Variants in APC observed in about 807,000 individuals in gnomAD.
APC encodes adenomatous polyposis coli protein.
A neutral mutation model predicts 247.0 loss-of-function variants in APC; 72 were observed. The observed-to-expected ratio is 0.29, with a 90% CI of 0.24 to 0.35. APC has a LOEUF of 0.35. Ranked by LOEUF, APC falls within the 10% of genes least tolerant of loss-of-function variation. The pLI is 1.00. For missense variants in APC, 3,400 were observed against 3,360.7 expected (o/e 1.01, Z -0.29); for synonymous variants, 1,254 against 1,162.5 (o/e 1.08, Z -1.60).
intron 5 of APC, among the ~76,000 whole-genome samples, chr5:112,776,968 A>G (rs1481046741): frequency 6.6e-6 from 1 of 152,124 alleles, no homozygotes; most frequent in Non-Finnish European, 1.5e-5. Context: ...CCTCATCTGG[A>G]TGTTGCTAGC....
intron 8 of APC, among the ~76,000 whole-genome samples, chr5:112,803,529 G>T (rs1329204898): frequency 1.3e-5 from 2 of 152,120 alleles, no homozygotes; most frequent in Admixed American, 6.5e-5. Context: ...AAAATAAGAT[G>T]ATGATAAAAC....
At chr5:112,743,085 A>G (rs1882619) in intron 1 of APC, among the ~76,000 whole-genome samples, 8,071 of 152,256 alleles carry the variant, frequency 0.053, 303 homozygotes, top group Middle Eastern at 0.1. Flanking sequence ...TGAAGAATCC[A>G]TTTTCTTGCT....
Position 112,842,528 on chromosome 5 carries a change from C to A in APC, c.6934C>A (p.Pro2312Thr), listed in dbSNP as rs1266863116. 4.3e-6 allele frequency: 7 copies of A among 1,613,948 alleles called. No homozygotes were observed. The highest frequency in any genetic ancestry group is 2.2e-5 in the South Asian group (2 of 91,088). The change falls in exon 16 of 16, where the codon CCT (proline) becomes ACT (threonine). Residue 2312 changes from proline (P) to threonine (T), a missense_variant. Around this residue, in one of 9 missense-constraint regions of APC, gnomAD observed 1,788 missense variants for 1,649.5 expected, o/e 1.08. Coordinates refer to ENST00000257430, the MANE Select transcript of APC (RefSeq NM_000038.6). ...SGSRDSTPSRPAQQPLSRPIQ... is the reference protein window; with the variant it reads ...SGSRDSTPSRTAQQPLSRPIQ... Reference sequence around the variant, plus strand: ...ATCTAGAGATTCGACCCCTTCAAGACCTGCCCAGCAACCATTAAGTAGACC... The same window carrying A: ...ATCTAGAGATTCGACCCCTTCAAGAACTGCCCAGCAACCATTAAGTAGACC...
In APC at chr5:112,740,577, C is replaced by T. The variant is rs1395652363; in HGVS notation, c.-19+2652C>T. Among the ~76,000 whole-genome samples the T allele has an allele frequency of 5.0e-4, 67 of 133,882 alleles. 1 individual carries two copies. The highest frequency in any genetic ancestry group is 1.8e-3 in the African/African-American group (64 of 35,002). The allele number at this position is 133,882 out of a possible 152,430, so 87.8% of individuals were successfully genotyped here. A position where few individuals can be genotyped will look rare whatever the true frequency, so the allele number is the denominator to read the frequency against. On this transcript the variant is annotated intron_variant, in intron 1 of 15. Coordinates refer to ENST00000257430, the MANE Select transcript of APC (RefSeq NM_000038.6). ...GTCTCACTTTGTCAACCCAGGCTGG[C>T]GTGCAGTAGCAAACATGGCTCACTT...
chr5:112,827,244 C>T lies in APC; in HGVS notation c.1545C>T (p.Asn515=). 1 of 1,613,806 alleles carries T rather than the reference C, an allele frequency of 6.2e-7. No homozygotes were observed. Among genetic ancestry groups the T allele is most frequent in the South Asian group, 1.1e-5 (1 of 91,076 alleles). Residue 515 remains asparagine, a synonymous_variant, in exon 12 of 16, where the codon AAC becomes AAT. Transcript: ENST00000257430. ...LTNLTFGDVA[N]KATLCSMKGC... Reference sequence around the variant, plus strand: ...ACTTGACTTTTGGAGATGTAGCCAACAAGGTATGTTTTTATAACATGTATT... The same window carrying T: ...ACTTGACTTTTGGAGATGTAGCCAATAAGGTATGTTTTTATAACATGTATT...
chr5:112,791,801 A>G (rs1306411344), intron 6 of APC, among the ~76,000 whole-genome samples: 1 of 152,208 alleles, frequency 6.6e-6, no homozygotes, highest in African/African-American at 2.4e-5. Context: ...CTCTTTGTTG[A>G]AATATTTTTT....
chr5:112,798,921 G>A (rs1266286618), intron 7 of APC, among the ~76,000 whole-genome samples: 1 of 151,860 alleles, frequency 6.6e-6, no homozygotes, highest in Non-Finnish European at 1.5e-5. Context: ...TATAAAATGG[G>A]GATAATGGCC....
intron 7 of APC, among the ~76,000 whole-genome samples, chr5:112,794,020 A>G (rs866391604): frequency 1.3e-4 from 19 of 147,412 alleles, no homozygotes; most frequent in African/African-American, 4.8e-4. Flanking sequence ...TCTTTTTTTA[A>G]GAGACGTGGA....
intron 15 of APC, among the ~76,000 whole-genome samples, chr5:112,835,841 G>A (rs1049997944): frequency 6.6e-6 from 1 of 151,798 alleles, no homozygotes; most frequent in African/African-American, 2.4e-5. Flanking sequence ...CCTAAGTGCT[G>A]GGATTACAGG....
chr5:112,790,189 A>G (rs1561498564), intron 6 of APC, among the ~76,000 whole-genome samples: 2 of 152,000 alleles, frequency 1.3e-5, no homozygotes. Context: ...TAAGTTTACT[A>G]CTTTCAGAAT....
rs2149953632 is a variant in APC at position 112,841,559 on chromosome 5, G to A, written c.5965G>A (p.Glu1989Lys). The change falls in exon 16 of 16, where the codon GAG (glutamate) becomes AAG (lysine). Residue 1989 changes from glutamate to lysine, a missense_variant. By Grantham distance (56) the Glu-to-Lys change is moderately conservative. Coordinates refer to ENST00000257430, the MANE Select transcript of APC (RefSeq NM_000038.6). The surrounding 1 kb of genome is among the most constrained non-coding windows in gnomAD (Gnocchi z 4.6). The stretch of plus-strand genomic sequence containing the variant: ...CAATAAAGAAAATGAACCTATCAAA[G>A]AGACTGAGCCCCCTGACTCACAGGG... ...NNNKENEPIKETEPPDSQGEP... is the reference protein window; with the variant it reads ...NNNKENEPIKKTEPPDSQGEP... The A allele has an allele frequency of 6.2e-7, 1 of 1,613,966 alleles. No homozygotes were observed. Among genetic ancestry groups the A allele is most frequent in the Non-Finnish European group, 8.5e-7 (1 of 1,179,918 alleles).
Position 112,842,106 on chromosome 5 carries a change from G to A in APC, c.6512G>A (p.Gly2171Glu), listed in dbSNP as rs748745776. The A allele has an allele frequency of 4.2e-5, 68 of 1,610,952 alleles. No homozygotes were observed. The highest frequency in any genetic ancestry group is 5.2e-5 in the Non-Finnish European group (61 of 1,177,844). ...SNKGPRILKP[G>E]EKSTLETKKI... ...AAAGGCCCACGAATTCTAAAACCAG[G>A]GGAGAAAAGTACATTGGAAACTAAA... Residue 2171 changes from glycine to glutamate, a missense_variant, in exon 16 of 16, where the codon GGG (glycine) becomes GAG (glutamate). Coordinates refer to ENST00000257430, the MANE Select transcript of APC (RefSeq NM_000038.6).
In APC at chr5:112,815,481, T is replaced by C. The variant is rs2149762095; in HGVS notation, c.835-14T>C. 6.3e-7 allele frequency: 1 copy of C among 1,593,276 alleles called. No homozygotes were observed. The highest frequency in any genetic ancestry group is 1.3e-5 in the African/African-American group (1 of 74,574). ...AGTCTAAATTATACCATCTATAATG[T>C]GCTTAATTTTTAGGGTTCAACTACA... On this transcript the variant is annotated splice_polypyrimidine_tract_variant and intron_variant, in intron 8 of 15. Transcript: ENST00000257430.
chr5:112,775,789 T>A (rs2149616895), intron 5 of APC, 52 bp downstream of exon 5: 1 of 981,744 alleles, frequency 1.0e-6, no homozygotes, highest in Non-Finnish European at 1.6e-6. Context: ...CTTGATATTT[T>A]AAAGTACCTA....
chr5:112,765,956 G>C (rs1208040193), intron 2 of APC, among the ~76,000 whole-genome samples: 2 of 152,194 alleles, frequency 1.3e-5, no homozygotes, highest in Admixed American at 6.5e-5. Flanking sequence ...GCACGCTTAA[G>C]AGACATGGAT....
chr5:112,790,190 C>A (rs1759415480), intron 6 of APC, among the ~76,000 whole-genome samples: 1 of 151,854 alleles, frequency 6.6e-6, no homozygotes, highest in Non-Finnish European at 1.5e-5. Flanking sequence ...AAGTTTACTA[C>A]TTTCAGAATC....
In APC at chr5:112,840,277, G is replaced by A. The variant is rs774900184; in HGVS notation, c.4683G>A (p.Lys1561=). Residue 1561 remains lysine (K), a synonymous_variant, in exon 16 of 16, where the codon AAG becomes AAA. Transcript: ENST00000257430. The surrounding 1 kb of genome is among the most constrained non-coding windows in gnomAD (Gnocchi z 4.1). ...CAGAAAAAACTATTGATTCTGAAAA[G>A]GACCTATTAGATGATTCAGATGATG... ...KEAEKTIDSE[K]DLLDDSDDDD... is the part of the protein sequence containing the mutation. The A allele has an allele frequency of 1.2e-6, 2 of 1,614,088 alleles. No homozygotes were observed. Among genetic ancestry groups the A allele is most frequent in the Middle Eastern group, 1.6e-4 (1 of 6,062 alleles).
At chr5:112,815,963 T>G (rs567197595) in intron 9 of APC, among the ~76,000 whole-genome samples, 1 of 152,328 alleles carries the variant, frequency 6.6e-6, no homozygotes, top group South Asian at 2.1e-4. Context: ...CAACGAAGCA[T>G]AAACAAGGGA....
chr5:112,772,234 A>T (rs527680088), intron 4 of APC, among the ~76,000 whole-genome samples: 1 of 152,186 alleles, frequency 6.6e-6, no homozygotes, highest in Non-Finnish European at 1.5e-5. Context: ...CCTTTAGTAC[A>T]CTAAACCCTA....
Sources: allele counts gnomAD v4.1 joint callset (sites outside exome capture counted in the v4.1 genomes callset), GRCh38; gene constraint gnomAD v4.1.1; regional missense constraint gnomAD v4.1.1; non-coding constraint Gnocchi (gnomAD v3.1); transcripts MANE v1.5; gene names NCBI Gene and HGNC (gene_info 2026-07-23, HGNC 2026-07-21).